Variants in WDPCP observed in about 807,000 individuals in gnomAD.
The protein encoded by WDPCP is WD repeat containing planar cell polarity effector, also known as WD repeat-containing and planar cell polarity effector protein fritz homolog.
In WDPCP, 71 loss-of-function variants were observed where a neutral mutation model predicts 93.1. The observed-to-expected ratio is 0.76, with a 90% CI of 0.63 to 0.93. WDPCP has a LOEUF of 0.93. WDPCP is among the 40% of genes least tolerant of loss of function. WDPCP has a pLI of 0.00. For missense variants in WDPCP, 844 were observed against 887.4 expected (o/e 0.95, Z 0.62); for synonymous variants, 315 against 315.0 (o/e 1.00, Z 0.00).
At chr2:63,276,281 G>A (rs1395370223) in intron 13 of WDPCP, among the ~76,000 whole-genome samples, 2 of 152,086 alleles carry the variant, frequency 1.3e-5, no homozygotes, top group Non-Finnish European at 2.9e-5. Context: ...CAAATGAGAA[G>A]GGACCAGAAC....
chr2:63,155,809 T>C (rs2103846155), intron 15 of WDPCP, among the ~76,000 whole-genome samples: 1 of 152,350 alleles, frequency 6.6e-6, no homozygotes, highest in South Asian at 2.1e-4. Flanking sequence ...TTCAAAATGT[T>C]TTTTGTTATT....
At chr2:63,665,468 G>A (rs1710271994) in intron 2 of WDPCP, among the ~76,000 whole-genome samples, 1 of 151,972 alleles carries the variant, frequency 6.6e-6, no homozygotes, top group Non-Finnish European at 1.5e-5. Context: ...TATTGATATG[G>A]GGGTCCACCC....
At chr2:63,322,773 A>T (rs1335564416) in intron 12 of WDPCP, among the ~76,000 whole-genome samples, 1 of 152,100 alleles carries the variant, frequency 6.6e-6, no homozygotes, top group African/African-American at 2.4e-5. Flanking sequence ...TTGGCGACCC[A>T]GATGGGACCA....
chr2:63,169,893 G>C (rs1454996750), intron 15 of WDPCP, among the ~76,000 whole-genome samples: 1 of 149,504 alleles, frequency 6.7e-6, no homozygotes, highest in Admixed American at 6.7e-5. Context: ...ATTTGTTTCA[G>C]TGGACTTTTT....
intron 6 of WDPCP, among the ~76,000 whole-genome samples, chr2:63,465,621 T>C (rs1699294780): frequency 6.6e-6 from 1 of 152,206 alleles, no homozygotes; most frequent in South Asian, 2.1e-4. Flanking sequence ...TTTGGAAATA[T>C]AATACACAGA....
At chr2:63,725,450 T>C (rs1424933806) in intron 2 of WDPCP, among the ~76,000 whole-genome samples, 3 of 152,244 alleles carry the variant, frequency 2.0e-5, no homozygotes, top group Non-Finnish European at 4.4e-5. Flanking sequence ...CCAACACTGA[T>C]GGGCATTTAG....
chr2:63,577,551 G>C (rs1364203803), intron 1 of WDPCP, among the ~76,000 whole-genome samples: 1 of 152,038 alleles, frequency 6.6e-6, no homozygotes, highest in Non-Finnish European at 1.5e-5. Context: ...ATCATTAAAG[G>C]ATGCAAACCT....
At chr2:63,823,510 AAAAC>A (rs958031795) in intron 1 of WDPCP, among the ~76,000 whole-genome samples, 9 of 151,684 alleles carry the variant, frequency 5.9e-5, no homozygotes, top group South Asian at 2.1e-4. Context: ...CTCAAAAACA[AAAAC>A]AAACAAACAA....
chr2:63,588,061 A>G (rs144532857), intron 1 of WDPCP, 136 bp downstream of exon 1: 8 of 1,102,130 alleles, frequency 7.3e-6, no homozygotes, highest in Middle Eastern at 2.7e-4. Flanking sequence ...CACAGCCCTC[A>G]TACTCCGCTC....
rs369929495 is a variant in WDPCP, at chr2:63,688,663, T to C, written n.309-37825A>G. Among the ~76,000 whole-genome samples, 8 of 152,268 alleles carry C rather than the reference T, an allele frequency of 5.3e-5. No homozygotes were observed. The South Asian group carries it at 1.7e-3, about 32-fold the overall frequency. ...TGTTTGTAACACAAAGGATAAATGC[T>C]TGAGGTGATGGATACCCCCATTACC... On this transcript the variant is annotated intron_variant and non_coding_transcript_variant, in intron 2 of 4. Coordinates refer to the WDPCP transcript ENST00000467687.
intron 2 of WDPCP, among the ~76,000 whole-genome samples, chr2:63,781,574 C>T (rs1670392510): frequency 6.6e-6 from 1 of 152,138 alleles, no homozygotes; most frequent in Admixed American, 6.6e-5. Context: ...ATAAATAAGA[C>T]ATATTTTCTG....
intron 17 of WDPCP, among the ~76,000 whole-genome samples, chr2:63,129,249 A>T (rs193095704): frequency 4.8e-4 from 73 of 152,304 alleles, no homozygotes; most frequent in African/African-American, 1.7e-3. Context: ...CAGGTGTGAA[A>T]ATATCTGTTC....
intron 1 of WDPCP, among the ~76,000 whole-genome samples, chr2:63,562,455 C>T (rs534395770): frequency 6.6e-6 from 1 of 152,202 alleles, no homozygotes; most frequent in East Asian, 1.9e-4. Flanking sequence ...TTGATAGGTG[C>T]AACCATGGCA....
At chr2:63,345,327 G>A (rs1020834099) in intron 12 of WDPCP, among the ~76,000 whole-genome samples, 1 of 152,148 alleles carries the variant, frequency 6.6e-6, no homozygotes, top group Non-Finnish European at 1.5e-5. Context: ...TCTGTTTCTA[G>A]GTGACATAAG....
At chr2:63,787,145 T>C (rs1322561347) in intron 2 of WDPCP, among the ~76,000 whole-genome samples, 5 of 152,140 alleles carry the variant, frequency 3.3e-5, no homozygotes, top group African/African-American at 1.2e-4. Context: ...TAGCTAAATT[T>C]TAAATGGAGA....
At chr2:63,404,948 A>G (rs776113681) in intron 9 of WDPCP, among the ~76,000 whole-genome samples, 4 of 152,184 alleles carry the variant, frequency 2.6e-5, no homozygotes, top group Non-Finnish European at 5.9e-5. Context: ...TTTGTTTTGG[A>G]AGGCCTGTAA....
intron 2 of WDPCP, among the ~76,000 whole-genome samples, chr2:63,664,306 G>A (rs1269297742): frequency 6.6e-6 from 1 of 152,222 alleles, no homozygotes. Flanking sequence ...CAGGAAGATA[G>A]AGAACCAAGA....
intron 2 of WDPCP, among the ~76,000 whole-genome samples, chr2:63,757,839 C>T (rs527926963): frequency 1.8e-4 from 27 of 152,302 alleles, no homozygotes; most frequent in African/African-American, 6.5e-4. Flanking sequence ...TAGATGGAAC[C>T]TCTTTCAGCC....
chr2:63,665,357 A>G (rs1325811383), intron 2 of WDPCP, among the ~76,000 whole-genome samples: 1 of 152,134 alleles, frequency 6.6e-6, no homozygotes, highest in Non-Finnish European at 1.5e-5. Context: ...CATCGTCCCA[A>G]TCTCTGCCTT....
Sources: gnomAD v4.1 joint callset for allele counts (sites outside exome capture counted in the v4.1 genomes callset) on GRCh38, gnomAD v4.1.1 for gene constraint, MANE v1.5 for transcripts, NCBI Gene and HGNC (gene_info 2026-07-23, HGNC 2026-07-21) for gene names.